The following ADCY8 variants were observed in gnomAD, a reference collection of about 807,000 sequenced individuals.
The protein encoded by ADCY8 is adenylate cyclase type 8.
Under a neutral mutation model 119.7 loss-of-function variants are expected in ADCY8, and 51 were observed. The ratio of observed to expected loss-of-function variants is 0.43; its 90% CI spans 0.34 to 0.54. The LOEUF (loss-of-function observed/expected upper bound fraction) is 0.54. Among genes scored for constraint, ADCY8 ranks in the 20% least tolerant of loss-of-function variants. The pLI is 0.03. For synonymous variants in ADCY8, 665 were observed against 651.0 expected, an observed-to-expected ratio of 1.02 and a Z score of -0.33; for missense variants, 1,383 against 1,598.8, an observed-to-expected ratio of 0.87 and a Z score of 2.30.
intron 8 of ADCY8, among the ~76,000 whole-genome samples, chr8:130,874,920 C>T (rs929735636): frequency 3.3e-5 from 5 of 151,972 alleles, no homozygotes; most frequent in African/African-American, 9.7e-5. Flanking sequence ...ATATTCTTTA[C>T]CTAGAAGTCC....
intron 1 of ADCY8, among the ~76,000 whole-genome samples, chr8:131,019,338 T>G (rs779950598): frequency 3.9e-5 from 6 of 152,204 alleles, no homozygotes; most frequent in Non-Finnish European, 8.8e-5. Context: ...GCCACAAGTA[T>G]TTTTACCAGA....
intron 8 of ADCY8, among the ~76,000 whole-genome samples, chr8:130,876,833 G>C (rs1341943911): frequency 6.6e-6 from 1 of 152,136 alleles, no homozygotes; most frequent in African/African-American, 2.4e-5. Context: ...GCAACCCACT[G>C]GCTGCATCCT....
At chr8:130,802,088 A>C (rs1815798701) in intron 14 of ADCY8, among the ~76,000 whole-genome samples, 1 of 152,036 alleles carries the variant, frequency 6.6e-6, no homozygotes, top group Non-Finnish European at 1.5e-5. Flanking sequence ...TCAAGCTACC[A>C]TGTCTCATGC....
chr8:131,036,126 G>C (rs139372028), intron 1 of ADCY8, among the ~76,000 whole-genome samples: 1 of 152,268 alleles, frequency 6.6e-6, no homozygotes, highest in Non-Finnish European at 1.5e-5. Flanking sequence ...TTTGAATTCT[G>C]TCCTCCACTT....
intron 1 of ADCY8, among the ~76,000 whole-genome samples, chr8:130,997,484 G>T (rs980686568): frequency 6.6e-5 from 10 of 152,250 alleles, no homozygotes; most frequent in African/African-American, 2.2e-4. Context: ...CAAAAGAGAT[G>T]ACTGAGAGTC....
At chr8:131,003,272 C>T (rs893218801) in intron 1 of ADCY8, among the ~76,000 whole-genome samples, 2 of 149,006 alleles carry the variant, frequency 1.3e-5, no homozygotes, top group South Asian at 2.1e-4. Flanking sequence ...ATGTTAAAGG[C>T]TAAAAGTAAG....
At chr8:130,936,034 G>A (rs1380835028) in intron 5 of ADCY8, among the ~76,000 whole-genome samples, 6 of 151,108 alleles carry the variant, frequency 4.0e-5, no homozygotes, top group Non-Finnish European at 5.9e-5. Flanking sequence ...GATCAATTAA[G>A]TCTGAGTTTT....
chr8:130,883,964 C>T (rs756375341), intron 8 of ADCY8, among the ~76,000 whole-genome samples: 8 of 152,152 alleles, frequency 5.3e-5, no homozygotes, highest in South Asian at 2.1e-4. Flanking sequence ...GGGGAACTCA[C>T]GCTCAGAGAG....
chr8:130,857,163 G>A (rs1817767647), intron 9 of ADCY8, among the ~76,000 whole-genome samples: 1 of 151,344 alleles, frequency 6.6e-6, no homozygotes, highest in Non-Finnish European at 1.5e-5. Context: ...AATGGGTGCA[G>A]CACACCAGCA....
intron 15 of ADCY8, among the ~76,000 whole-genome samples, chr8:130,796,720 T>C (rs905173019): frequency 2.6e-4 from 39 of 151,796 alleles, no homozygotes; most frequent in Admixed American, 2.0e-4. Context: ...CTGTTGACTA[T>C]ATTCTCCCCT....
chr8:131,015,105 A>G (rs1823428559), intron 1 of ADCY8, among the ~76,000 whole-genome samples: 1 of 152,178 alleles, frequency 6.6e-6, no homozygotes, highest in Non-Finnish European at 1.5e-5. Context: ...ATATTTTTGG[A>G]AAATTGATTG....
At chr8:130,867,112 G>C (rs923173922) in intron 9 of ADCY8, among the ~76,000 whole-genome samples, 2 of 152,164 alleles carry the variant, frequency 1.3e-5, no homozygotes, top group South Asian at 2.1e-4. Context: ...GAGAAAAGAG[G>C]CAGGAGCTAG....
At chr8:130,933,058 T>C (rs1196967242) in intron 5 of ADCY8, among the ~76,000 whole-genome samples, 1 of 152,166 alleles carries the variant, frequency 6.6e-6, no homozygotes, top group African/African-American at 2.4e-5. Flanking sequence ...ACTCTGGGGA[T>C]TGATGGTATC....
chr8:130,885,291 G>A (rs754433321), intron 7 of ADCY8, among the ~76,000 whole-genome samples: 2 of 151,242 alleles, frequency 1.3e-5, no homozygotes, highest in African/African-American at 2.4e-5. Flanking sequence ...CCTTAAACTT[G>A]ATAAAGATTG....
chr8:131,013,723 G>A (rs1823382585), intron 1 of ADCY8, among the ~76,000 whole-genome samples: 1 of 151,698 alleles, frequency 6.6e-6, no homozygotes, highest in African/African-American at 2.4e-5. Context: ...GTTTGAAGAA[G>A]CATTTTGATT....
At chr8:130,976,406 G>T (rs571968528) in intron 2 of ADCY8, among the ~76,000 whole-genome samples, 1 of 152,280 alleles carries the variant, frequency 6.6e-6, no homozygotes, top group Admixed American at 6.5e-5. Context: ...CCTAACCCAT[G>T]ACTGCATGTG....
Position 130,904,016 on chromosome 8 carries a change from A to T in ADCY8, c.1667T>A (p.Leu556Gln). 6.2e-7 allele frequency: 1 copy of T among 1,613,414 alleles called. No homozygotes were observed. Among genetic ancestry groups the T allele is most frequent in the Non-Finnish European group, 8.5e-7 (1 of 1,179,380 alleles). Residue 556 changes from leucine (L) to glutamine (Q), a missense_variant, in exon 7 of 18, where the codon CTG becomes CAG. Transcript: ENST00000286355. ...PGRIHISKAT[L>Q]DCLNGDYNVE... The stretch of plus-strand genomic sequence containing the variant: ...GTTATAGTCACCGTTGAGACAGTCC[A>T]GCGTGGCTTTGGAAATGTGAATCCT...
chr8:130,961,938 G>A (rs912151188), intron 2 of ADCY8, among the ~76,000 whole-genome samples: 1 of 152,098 alleles, frequency 6.6e-6, no homozygotes, highest in South Asian at 2.1e-4. Flanking sequence ...TCATGCCACC[G>A]TACTCCAGCC....
At chr8:130,877,679 A>C (rs897394607) in intron 8 of ADCY8, among the ~76,000 whole-genome samples, 2 of 152,230 alleles carry the variant, frequency 1.3e-5, no homozygotes, top group Non-Finnish European at 2.9e-5. Flanking sequence ...CCTTGAAGAG[A>C]GAAACAATCC....
Sources: allele counts gnomAD v4.1 joint callset (sites outside exome capture counted in the v4.1 genomes callset), GRCh38; gene constraint gnomAD v4.1.1; transcripts MANE v1.5; gene names NCBI Gene and HGNC (gene_info 2026-07-23, HGNC 2026-07-21).